Variants in NALCN observed in about 807,000 individuals in gnomAD.
NALCN encodes the protein sodium leak channel, non-selective.
NALCN carries 111 observed loss-of-function variants against 225.3 expected under a neutral mutation model. The ratio of observed to expected loss-of-function variants is 0.49; its 90% CI spans 0.42 to 0.58. NALCN has a LOEUF of 0.58. NALCN is among the 20% of genes least tolerant of loss of function. The pLI, the probability that NALCN is intolerant of heterozygous loss-of-function variation, is 0.00. For synonymous variants in NALCN, 764 were observed against 769.0 expected (o/e 0.99, Z 0.11); for missense variants, 1,378 against 2,202.4 (o/e 0.63, Z 7.49).
chr13:101,181,976 A>G (rs989675634), intron 14 of NALCN, among the ~76,000 whole-genome samples: 7 of 151,840 alleles, frequency 4.6e-5, no homozygotes, highest in Non-Finnish European at 1.0e-4. Context: ...TACTAAAAGT[A>G]CAAAAAAATT....
intron 7 of NALCN, among the ~76,000 whole-genome samples, chr13:101,312,746 T>C (rs2044394476): frequency 6.6e-6 from 1 of 152,220 alleles, no homozygotes; most frequent in Non-Finnish European, 1.5e-5. Flanking sequence ...TAATTTCTGT[T>C]CTTTTACATT....
chr13:101,311,701 G>T (rs1210450882), intron 7 of NALCN, among the ~76,000 whole-genome samples: 1 of 152,100 alleles, frequency 6.6e-6, no homozygotes, highest in Non-Finnish European at 1.5e-5. Context: ...TGCATCCCAG[G>T]GATGAAGCCC....
intron 15 of NALCN, among the ~76,000 whole-genome samples, chr13:101,151,197 T>C (rs1317316795): frequency 6.6e-6 from 1 of 152,244 alleles, no homozygotes; most frequent in Admixed American, 6.5e-5. Flanking sequence ...CTGCTTTCCC[T>C]GACTTCTCAA....
chr13:101,170,152 T>C (rs1411926989), intron 15 of NALCN, among the ~76,000 whole-genome samples: 1 of 152,214 alleles, frequency 6.6e-6, no homozygotes, highest in Non-Finnish European at 1.5e-5. Context: ...TACATCAGTA[T>C]TTATTTTAAG....
Position 101,313,401 on chromosome 13 carries a change from T to C in NALCN, c.800-21035A>G, listed in dbSNP as rs144604938. 4.4e-3 allele frequency among the ~76,000 whole-genome samples: 669 copies of C among 152,156 alleles called. 4 individuals are homozygous for C. The highest frequency in any genetic ancestry group is 0.015 in the African/African-American group (630 of 41,494). On this transcript the variant is annotated intron_variant, in intron 7 of 43. Coordinates refer to ENST00000251127, the MANE Select transcript of NALCN (RefSeq NM_052867.4). ...GTCATCAGAGTGAATAGGGAACCTA[T>C]AAAATGGGAGAAAATTTTTCATCTG...
intron 11 of NALCN, among the ~76,000 whole-genome samples, chr13:101,254,555 G>A (rs1459934276): frequency 6.6e-6 from 1 of 151,980 alleles, no homozygotes; most frequent in Non-Finnish European, 1.5e-5. Flanking sequence ...AGGATTTCAA[G>A]TTAGTTTTTA....
rs369352209 is a variant in NALCN at position 101,083,097 on chromosome 13, C to A, written c.3685G>T (p.Val1229Phe). The A allele has an allele frequency of 6.2e-7, 1 of 1,613,900 alleles. No individual in the cohort carries two copies. Among genetic ancestry groups the A allele is most frequent in the Non-Finnish European group, 8.5e-7 (1 of 1,179,950 alleles). ...LVLAQSVLLS[V>F]KWDVEDPVTV... ...CTTAGGGTGAAACGAAGTACCTTGA[C>A]AGAGAGCAACACCGACTGGGCCAGG... Residue 1229 changes from valine (V) to phenylalanine (F), a missense_variant, in exon 32 of 44, where the codon GTC becomes TTC. By Grantham distance (50) the Val-to-Phe change is conservative. Coordinates refer to ENST00000251127, the MANE Select transcript of NALCN (RefSeq NM_052867.4).
chr13:101,122,832 T>C (rs1209479008), intron 18 of NALCN, among the ~76,000 whole-genome samples: 1 of 152,172 alleles, frequency 6.6e-6, no homozygotes, highest in Non-Finnish European at 1.5e-5. Context: ...TTCTAAGGCC[T>C]AATCTAAGGT....
At chr13:101,130,317 T>C (rs141208773) in intron 17 of NALCN, among the ~76,000 whole-genome samples, 1 of 152,174 alleles carries the variant, frequency 6.6e-6, no homozygotes, top group African/African-American at 2.4e-5. Context: ...GGTTTGCATA[T>C]CTTCTTCCCG....
chr13:101,183,976 T>G (rs2039348556), intron 14 of NALCN, among the ~76,000 whole-genome samples: 1 of 152,206 alleles, frequency 6.6e-6, no homozygotes, highest in East Asian at 1.9e-4. Context: ...TTTGGCACTT[T>G]TAACAGGTCT....
rs1241660340 is a variant in NALCN at position 101,346,664 on chromosome 13, G to T, written c.645-1244C>A. Among the ~76,000 whole-genome samples the T allele has an allele frequency of 4.6e-5, 7 of 152,104 alleles. No homozygotes were observed. In the South Asian group the frequency reaches 1.0e-3, roughly 23 times the overall value. ...CATAACCCATTTTTATCCTTCTTAAGAATAGGTTGGATATCAACTTGATAT... is the reference window on the plus strand; with the variant it reads ...CATAACCCATTTTTATCCTTCTTAATAATAGGTTGGATATCAACTTGATAT... On this transcript the variant is annotated intron_variant, in intron 6 of 43. Coordinates refer to ENST00000251127, the MANE Select transcript of NALCN (RefSeq NM_052867.4).
chr13:101,214,955 G>A (rs1007396761), intron 13 of NALCN, among the ~76,000 whole-genome samples: 1 of 152,060 alleles, frequency 6.6e-6, no homozygotes, highest in Non-Finnish European at 1.5e-5. Flanking sequence ...AGAACTAGGG[G>A]GCATGAATAG....
chr13:101,243,107 T>C lies in NALCN; in HGVS notation c.1267-5185A>G, dbSNP rs1594512924. Among the ~76,000 whole-genome samples, 2 of 86,786 alleles carry C rather than the reference T, an allele frequency of 2.3e-5. 1 individual carries two copies. Among genetic ancestry groups the C allele is most frequent in the Non-Finnish European group, 4.9e-5 (2 of 40,756 alleles). The allele number at this position is 86,786 out of a possible 152,430, so 56.9% of individuals were successfully genotyped here. ...GCAGATTTATGTTTTTTTTTTTTTT[T>C]CATTTATGTAAGCTTTCTTCCGTTG... On this transcript the variant is annotated intron_variant, in intron 11 of 43. Transcript: ENST00000251127.
chr13:101,399,074 A>C lies in NALCN; in HGVS notation c.53T>G (p.Phe18Cys). 6.2e-7 allele frequency: 1 copy of C among 1,613,632 alleles called. No individual in the cohort carries two copies. The highest frequency in any genetic ancestry group is 8.5e-7 in the Non-Finnish European group (1 of 1,179,650). Residue 18 changes from phenylalanine to cysteine, a missense_variant, in exon 2 of 44, where the codon TTT becomes TGT. By Grantham distance (205) the Phe-to-Cys change is radical (BLOSUM62 -2). Coordinates refer to ENST00000251127, the MANE Select transcript of NALCN (RefSeq NM_052867.4). ...SRVEAQPVTD[F>C]GPDESLSDNA... ...ATCCGACAGAGACTCATCAGGACCA[A>C]AGTCAGTGACTGGCTGGGCTTCCAC...
At chr13:101,165,899 G>T (rs1187361987) in intron 15 of NALCN, among the ~76,000 whole-genome samples, 2 of 152,118 alleles carry the variant, frequency 1.3e-5, no homozygotes, top group African/African-American at 2.4e-5. Context: ...AACAACAATG[G>T]GTTTACTCCC....
At chr13:101,333,700 T>C (rs2045265162) in intron 7 of NALCN, among the ~76,000 whole-genome samples, 1 of 152,230 alleles carries the variant, frequency 6.6e-6, no homozygotes, top group South Asian at 2.1e-4. Context: ...TGTTACGGCT[T>C]TCCTAAATAA....
At chr13:101,327,510 G>A (rs1037824881) in intron 7 of NALCN, among the ~76,000 whole-genome samples, 1 of 152,094 alleles carries the variant, frequency 6.6e-6, no homozygotes, top group Non-Finnish European at 1.5e-5. Flanking sequence ...TGAATTTTAT[G>A]TCTAACCTAT....
chr13:101,196,890 G>A (rs2039912106), intron 13 of NALCN, among the ~76,000 whole-genome samples: 1 of 152,096 alleles, frequency 6.6e-6, no homozygotes, highest in Non-Finnish European at 1.5e-5. Flanking sequence ...AACTCCTGGG[G>A]CTTTCGACAC....
rs771743242 is a variant in NALCN at position 101,081,559 on chromosome 13, C to T, written c.3853G>A (p.Val1285Ile). Residue 1285 changes from valine to isoleucine, a missense_variant, in exon 34 of 44, where the codon GTT (valine) becomes ATT (isoleucine). Coordinates refer to ENST00000251127, the MANE Select transcript of NALCN (RefSeq NM_052867.4). ...RYDLLVTSLG[V>I]VWVVLHFALL... ...GCAAAGTGAAGCACCACCCATACAA[C>T]GCCAAGCGACGTCACCAGGAGATCG... The T allele has an allele frequency of 3.4e-5, 55 of 1,614,138 alleles. No homozygotes were observed. Among genetic ancestry groups the T allele is most frequent in the African/African-American group, 4.0e-5 (3 of 75,050 alleles).
Sources: allele counts gnomAD v4.1 joint callset (sites outside exome capture counted in the v4.1 genomes callset), GRCh38; gene constraint gnomAD v4.1.1; transcripts MANE v1.5; gene names NCBI Gene and HGNC (gene_info 2026-07-23, HGNC 2026-07-21).